ATRX: variants seen among roughly 807,000 people sequenced by gnomAD.
ATRX encodes chromatin remodeler ATRX.
A neutral mutation model predicts 172.6 loss-of-function variants in ATRX; 12 were observed. That is an observed-to-expected ratio of 0.07 (90% CI 0.04 to 0.11). The LOEUF is 0.11. Ranked by LOEUF, ATRX falls within the 10% of genes least tolerant of loss-of-function variation. The pLI is 1.00. For missense variants in ATRX, 1,368 were observed against 1,767.4 expected (o/e 0.77, Z 4.05); for synonymous variants, 674 against 594.7 (o/e 1.13, Z -1.94).
intron 13 of ATRX, among the ~76,000 whole-genome samples, chrX:77,655,147 G>C (rs1462897715): frequency 3.6e-5 from 4 of 111,138 alleles, no homozygotes; most frequent in Admixed American, 2.9e-4. Context: ...AGAGGAAAAA[G>C]AGAGTGGTTT....
At chrX:77,612,408 G>T (rs1434548164) in intron 22 of ATRX, among the ~76,000 whole-genome samples, 4 of 107,549 alleles carry the variant, frequency 3.7e-5, no homozygotes, top group African/African-American at 1.4e-4. Context: ...TCACATACTG[G>T]GGCCTGTTGG....
intron 12 of ATRX, among the ~76,000 whole-genome samples, chrX:77,661,622 C>A (rs1222927303): frequency 9.0e-6 from 1 of 110,939 alleles, no homozygotes; most frequent in African/African-American, 3.3e-5. Flanking sequence ...CAAAATTTAC[C>A]CCTAGTCATC....
intron 30 of ATRX, among the ~76,000 whole-genome samples, chrX:77,533,894 G>C (rs1557047407): frequency 8.9e-6 from 1 of 111,962 alleles, no homozygotes; most frequent in Non-Finnish European, 1.9e-5. Flanking sequence ...ATTTCTAATA[G>C]CTGCACAGTG....
intron 10 of ATRX, among the ~76,000 whole-genome samples, chrX:77,673,619 AAT>A (rs2070731988): frequency 9.0e-6 from 1 of 111,211 alleles, no homozygotes; most frequent in African/African-American, 3.3e-5. Flanking sequence ...TTTACTTTCA[AAT>A]ATGAGTGACG....
Position 77,656,600 on chromosome X carries a change from C to T in ATRX, c.4174G>A (p.Glu1392Lys). ...SDFQESGVSE[E>K]VSESEDEQRP... ...TGTTCATCTTCGGATTCACTAACTT[C>T]TTCACTAACTCCTGATTCCTGAAAA... is the stretch of plus-strand genomic sequence containing the variant. The change falls in exon 13 of 35, where the codon GAA becomes AAA. Residue 1392 changes from glutamate (E) to lysine (K), a missense_variant. Around this residue, in one of 17 missense-constraint regions of ATRX, gnomAD observed 119 missense variants for 131.3 expected, o/e 0.91. Coordinates refer to ENST00000373344, the MANE Select transcript of ATRX (RefSeq NM_000489.6). The T allele has an allele frequency of 1.7e-6, 2 of 1,208,312 alleles. No individual in the cohort carries two copies. Among genetic ancestry groups the T allele is most frequent in the Non-Finnish European group, 2.2e-6 (2 of 893,747 alleles).
intron 1 of ATRX, among the ~76,000 whole-genome samples, chrX:77,738,585 AC>A (rs1174663564): frequency 1.3e-5 from 1 of 79,387 alleles, no homozygotes; most frequent in Non-Finnish European, 2.3e-5. Context: ...TTTTTTGGAG[AC>A]AGGGTCTTAC....
intron 30 of ATRX, among the ~76,000 whole-genome samples, chrX:77,530,633 C>CAAACAAAACA (rs112076738): frequency 9.4e-6 from 1 of 106,241 alleles, no homozygotes; most frequent in Non-Finnish European, 1.9e-5. Context: ...AACAAACAAA[C>CAAACAAAACA]AAACAAAACA....
At chrX:77,560,544 G>A (rs1291812535) in intron 28 of ATRX, among the ~76,000 whole-genome samples, 1 of 110,525 alleles carries the variant, frequency 9.0e-6, no homozygotes, top group Non-Finnish European at 1.9e-5. Context: ...AAAATCCCTG[G>A]AATATAATAA....
chrX:77,777,043 A>G (rs782477859), intron 1 of ATRX, among the ~76,000 whole-genome samples: 1 of 109,891 alleles, frequency 9.1e-6, no homozygotes, highest in African/African-American at 3.3e-5. Context: ...GACAATGTAA[A>G]TAAATGGACA....
At chrX:77,524,994 C>G (rs782286424) in intron 30 of ATRX, among the ~76,000 whole-genome samples, 2 of 111,149 alleles carry the variant, frequency 1.8e-5, no homozygotes, top group South Asian at 7.7e-4. Flanking sequence ...ATCCTCCCAC[C>G]TTGATCTCCC....
At chrX:77,785,850 G>A in intron 1 of ATRX, 132 bp downstream of exon 1, 1 of 817,345 alleles carries the variant, frequency 1.2e-6, no homozygotes. Context: ...CTCACCTAAA[G>A]AGAAAACGAT....
rs1557165725 is a variant in ATRX, at chrX:77,717,159, A to T, written c.105T>A (p.Pro35=). Residue 35 remains proline, a synonymous_variant, in exon 2 of 35, where the codon CCT becomes CCA. Coordinates refer to ENST00000373344, the MANE Select transcript of ATRX (RefSeq NM_000489.6). ...SSEESEETSS[P]PRLAMNQNTD... Reference sequence around the variant, plus strand: ...TGTTTTGATTCATTGCAAGTCGTGGAGGAGAACTTGTTTCTTCAGATTCTT... The same window carrying T: ...TGTTTTGATTCATTGCAAGTCGTGGTGGAGAACTTGTTTCTTCAGATTCTT... 1 of 1,209,329 alleles carries T rather than the reference A, an allele frequency of 8.3e-7. No individual in the cohort carries two copies. Among genetic ancestry groups the T allele is most frequent in the Admixed American group, 2.2e-5 (1 of 46,041 alleles).
At chrX:77,733,279 C>G (rs1430679469) in intron 1 of ATRX, among the ~76,000 whole-genome samples, 1 of 111,781 alleles carries the variant, frequency 8.9e-6, no homozygotes. Flanking sequence ...CAATGACACT[C>G]TTCACAGAAA....
intron 28 of ATRX, among the ~76,000 whole-genome samples, chrX:77,564,783 G>A (rs1328896560): frequency 1.8e-5 from 2 of 110,984 alleles, no homozygotes; most frequent in Non-Finnish European, 3.8e-5. Flanking sequence ...CTACCCTCCA[G>A]CCAAAGGACC....
At chrX:77,766,548 GCA>G (rs2075950921) in intron 1 of ATRX, among the ~76,000 whole-genome samples, 1 of 108,420 alleles carries the variant, frequency 9.2e-6, no homozygotes, top group Non-Finnish European at 1.9e-5. Context: ...AGACGGGGTC[GCA>G]GCCGGGCAGA....
intron 30 of ATRX, among the ~76,000 whole-genome samples, chrX:77,530,191 C>T (rs189888140): frequency 8.9e-6 from 1 of 111,871 alleles, no homozygotes; most frequent in African/African-American, 3.2e-5. Context: ...TCCTTAATGA[C>T]TCTTGGGTAA....
At chrX:77,633,545 A>G (rs1557106634) in intron 18 of ATRX, 21 bp downstream of exon 18, 1 of 1,192,329 alleles carries the variant, frequency 8.4e-7, no homozygotes, top group Non-Finnish European at 1.1e-6. Context: ...TTAATAATAG[A>G]AAACATTTAA....
chrX:77,652,395 T>C (rs1045657002), intron 14 of ATRX, 42 bp from the exon 15 acceptor site: 28 of 1,162,181 alleles, frequency 2.4e-5, no homozygotes, highest in Non-Finnish European at 3.2e-5. Flanking sequence ...TACAAAGTCA[T>C]TTAATTTATC....
rs146175620 is a variant in ATRX, at chrX:77,651,479, G to A, written c.4557+635C>T. ...ATTCAAGAATCTCAATGCTTTCCATGCACTTAATTAAATTAATAAAGCTTA... is the reference window on the plus strand; with the variant it reads ...ATTCAAGAATCTCAATGCTTTCCATACACTTAATTAAATTAATAAAGCTTA... On this transcript the variant is annotated intron_variant, in intron 15 of 34. Transcript: ENST00000373344. 2.7e-5 allele frequency among the ~76,000 whole-genome samples: 3 copies of A among 111,411 alleles called. No individual in the cohort carries two copies. The East Asian group carries it at 8.4e-4, about 31-fold the overall frequency.
Sources: gnomAD v4.1 joint callset for allele counts (sites outside exome capture counted in the v4.1 genomes callset) on GRCh38, gnomAD v4.1.1 for gene constraint, gnomAD v4.1.1 regional missense constraint, MANE v1.5 for transcripts, NCBI Gene and HGNC (gene_info 2026-07-23, HGNC 2026-07-21) for gene names.